Variants in ATRN observed in about 807,000 individuals in gnomAD.
ATRN encodes attractin, also known as attractin-2.
A neutral mutation model predicts 178.7 loss-of-function variants in ATRN; 54 were observed. The ratio of observed to expected loss-of-function variants is 0.30; its 90% CI spans 0.24 to 0.38. The LOEUF (loss-of-function observed/expected upper bound fraction) is 0.38, where lower values mean the gene tolerates loss of function less well. Ranked by LOEUF, ATRN falls within the 10% of genes least tolerant of loss-of-function variation. The probability of loss-of-function intolerance (pLI) is 1.00; values close to 1 mark genes in which losing one functional copy is unlikely to be tolerated. For missense variants in ATRN, 1,443 were observed against 1,815.1 expected (o/e 0.79, Z 3.73); for synonymous variants, 636 against 663.0 (o/e 0.96, Z 0.63).
intron 6 of ATRN, among the ~76,000 whole-genome samples, chr20:3,554,248 A>G (rs73893025): frequency 0.023 from 3,439 of 152,024 alleles, 136 homozygotes; most frequent in African/African-American, 0.078. Flanking sequence ...ACTTTCATGA[A>G]AAGTTAATTT....
rs183508948 is a variant in ATRN at position 3,634,799 on chromosome 20, A to T, written c.3942+410A>T. ...AATCAGCCATTTAAGCATCTCAAAA[A>T]TTTTTCATTATTCAAGGAAAGATAA... On this transcript the variant is annotated intron_variant, in intron 26 of 28. Transcript: ENST00000262919. Among the ~76,000 whole-genome samples the T allele has an allele frequency of 3.1e-4, 47 of 152,256 alleles. 1 individual carries two copies. Among genetic ancestry groups the T allele is most frequent in the Admixed American group, 2.5e-3 (38 of 15,294 alleles).
chr20:3,495,102 T>C (rs1023886359), intron 1 of ATRN, among the ~76,000 whole-genome samples: 1 of 152,214 alleles, frequency 6.6e-6, no homozygotes, highest in East Asian at 1.9e-4. Flanking sequence ...CTTAATATTT[T>C]ACATTTTAGA....
At chr20:3,583,348 A>G (rs1280380221) in intron 16 of ATRN, among the ~76,000 whole-genome samples, 1 of 152,238 alleles carries the variant, frequency 6.6e-6, no homozygotes, top group Non-Finnish European at 1.5e-5. Flanking sequence ...TTATGGAAAG[A>G]TTCACTGTTT....
At chr20:3,501,086 G>A (rs1283289056) in intron 1 of ATRN, among the ~76,000 whole-genome samples, 2 of 152,074 alleles carry the variant, frequency 1.3e-5, no homozygotes, top group African/African-American at 4.8e-5. Context: ...ATTGTAAACT[G>A]TTTTTAGTAA....
chr20:3,478,503 A>G (rs2084563481), intron 1 of ATRN, among the ~76,000 whole-genome samples: 1 of 152,076 alleles, frequency 6.6e-6, no homozygotes, highest in African/African-American at 2.4e-5. Context: ...AAGTGGGAGC[A>G]GGGAGGGGAA....
chr20:3,541,042 TATCTCTA>T (rs2085611526), intron 3 of ATRN, among the ~76,000 whole-genome samples: 1 of 151,464 alleles, frequency 6.6e-6, no homozygotes, highest in Admixed American at 6.6e-5. Flanking sequence ...AATTCAAAAC[TATCTCTA>T]GTTTTCTTCC....
At position 3,490,643 on chromosome 20, in the gene ATRN, T is replaced by A. The variant is rs1301503590; in HGVS notation, c.410+19126T>A. 3.3e-5 allele frequency: 30 copies of A among 899,010 alleles called. No individual in the cohort carries two copies. The East Asian group carries it at 7.0e-4, about 21-fold the overall frequency. 55.7% of individuals were successfully genotyped at this position (899,010 alleles called of 1,614,324 possible). The stretch of plus-strand genomic sequence containing the variant: ...TCTTCATCTGTGAACTCCACCAAGT[T>A]TTGTGCCTCTTCACTTGGATTCTCT... On this transcript the variant is annotated intron_variant, in intron 1 of 28. Coordinates refer to ENST00000262919, the MANE Select transcript of ATRN (RefSeq NM_139321.3).
chr20:3,614,287 A>G (rs1401515409), intron 24 of ATRN, among the ~76,000 whole-genome samples: 1 of 151,976 alleles, frequency 6.6e-6, no homozygotes, highest in Non-Finnish European at 1.5e-5. Flanking sequence ...CTATGTCCAT[A>G]GTTTGGGGGC....
chr20:3,635,683 G>C (rs1350751587), intron 26 of ATRN, among the ~76,000 whole-genome samples: 1 of 152,136 alleles, frequency 6.6e-6, no homozygotes, highest in Non-Finnish European at 1.5e-5. Context: ...ACTGTTGATA[G>C]GATATTCATG....
Position 3,547,386 on chromosome 20 carries a change from A to C in ATRN, c.840A>C (p.Glu280Asp). Residue 280 changes from glutamate to aspartate, a missense_variant, in exon 5 of 29, where the codon GAA becomes GAC. Physicochemically the swap from Glu to Asp is conservative, Grantham distance 45. This residue lies in a region of ATRN where 862 missense variants were observed against 972.1 expected (regional missense o/e 0.89). Coordinates refer to ENST00000262919, the MANE Select transcript of ATRN (RefSeq NM_139321.3). Reference protein sequence around the residue: ...ECECSENWKGEACDIPHCTDN... With the variant: ...ECECSENWKGDACDIPHCTDN... ...AATGTTCTGAAAACTGGAAAGGTGA[A>C]GCATGTGACATTCCTCACTGTACAG... 2 of 1,613,820 alleles carry C rather than the reference A, an allele frequency of 1.2e-6. No individual in the cohort carries two copies. The highest frequency in any genetic ancestry group is 1.7e-6 in the Non-Finnish European group (2 of 1,179,656).
Position 3,535,336 on chromosome 20 carries a change from A to G in ATRN, c.494A>G (p.Gln165Arg), listed in dbSNP as rs139505141. 2 of 1,517,416 alleles carry G rather than the reference A, an allele frequency of 1.3e-6. No individual in the cohort carries two copies. The highest frequency in any genetic ancestry group is 1.4e-5 in the African/African-American group (1 of 71,584). 94.0% of individuals were successfully genotyped at this position (1,517,416 alleles called of 1,614,324 possible). A position where few individuals can be genotyped will look rare whatever the true frequency, so the allele number is the denominator to read the frequency against. Residue 165 changes from glutamine to arginine, a missense_variant and splice_region_variant, in exon 2 of 29, where the codon CAG (glutamine) becomes CGG (arginine). Around this residue, in one of 4 missense-constraint regions of ATRN, gnomAD observed 862 missense variants for 972.1 expected, o/e 0.89. Transcript: ENST00000262919. ...AAGTGCACGTGGCTCATTGAAGGAC[A>G]GTAAGTAGAAATGGCTGACTTAATT... The part of the protein sequence containing the change: ...KTKCTWLIEG[Q>R]PNRIMRLRFN...
chr20:3,537,778 T>C (rs1358276986), intron 2 of ATRN, among the ~76,000 whole-genome samples: 1 of 151,716 alleles, frequency 6.6e-6, no homozygotes. Context: ...TTTCTGTCCC[T>C]GCAATAGTTT....
At chr20:3,573,315 C>T (rs2086154817) in intron 12 of ATRN, among the ~76,000 whole-genome samples, 1 of 152,094 alleles carries the variant, frequency 6.6e-6, no homozygotes, top group Admixed American at 6.5e-5. Context: ...ATATGGTAGC[C>T]ACTAGCCACA....
rs6051927 is a variant in ATRN, at chr20:3,530,571, C to A, written c.411-4682C>A. ...TGGGGATTACAGGTGTGAGCCACTA[C>A]GCCTGGCCAGGATTTCAGTACATGT... On this transcript the variant is annotated intron_variant, in intron 1 of 28. Coordinates refer to ENST00000262919, the MANE Select transcript of ATRN (RefSeq NM_139321.3). Among the ~76,000 whole-genome samples, 3 of 151,754 alleles carry A rather than the reference C, an allele frequency of 2.0e-5. No homozygotes were observed. In the South Asian group the frequency reaches 6.2e-4, roughly 32 times the overall value.
At chr20:3,642,037 T>C (rs909838744) in intron 27 of ATRN, among the ~76,000 whole-genome samples, 1 of 152,240 alleles carries the variant, frequency 6.6e-6, no homozygotes, top group African/African-American at 2.4e-5. Flanking sequence ...ATGACACAGT[T>C]AGTTGCTCCT....
chr20:3,615,850 G>T (rs760667844), intron 24 of ATRN: 2 of 454,160 alleles, frequency 4.4e-6, no homozygotes, highest in African/African-American at 4.0e-5. Context: ...CAATGAGGAC[G>T]CATGGACACA....
At chr20:3,608,014 T>G (rs1022270361) in intron 24 of ATRN, among the ~76,000 whole-genome samples, 2 of 152,230 alleles carry the variant, frequency 1.3e-5, no homozygotes, top group African/African-American at 2.4e-5. Flanking sequence ...TTTGTATGTC[T>G]TCTTTGGACA....
chr20:3,482,362 C>T (rs1331349610), intron 1 of ATRN, among the ~76,000 whole-genome samples: 1 of 151,058 alleles, frequency 6.6e-6, no homozygotes, highest in African/African-American at 2.4e-5. Flanking sequence ...AAATAGTTTT[C>T]CTGTCCTAAT....
At chr20:3,476,367 G>A (rs769852431) in intron 1 of ATRN, among the ~76,000 whole-genome samples, 6 of 152,104 alleles carry the variant, frequency 3.9e-5, no homozygotes, top group East Asian at 1.9e-4. Context: ...ACCATTTGGC[G>A]TCTCATTTTT....
Sources: allele counts gnomAD v4.1 joint callset (sites outside exome capture counted in the v4.1 genomes callset), GRCh38; gene constraint gnomAD v4.1.1; regional missense constraint gnomAD v4.1.1; transcripts MANE v1.5; gene names NCBI Gene and HGNC (gene_info 2026-07-23, HGNC 2026-07-21).